The following RBM26 variants were observed in gnomAD, a reference collection of about 807,000 sequenced individuals.
The protein encoded by RBM26 is RNA binding motif protein 26.
Under a neutral mutation model 123.6 loss-of-function variants are expected in RBM26, and 30 were observed. The ratio of observed to expected loss-of-function variants is 0.24; its 90% confidence interval spans 0.18 to 0.33. The LOEUF (loss-of-function observed/expected upper bound fraction) is 0.33. Ranked by LOEUF, RBM26 falls within the 10% of genes least tolerant of loss-of-function variation. The pLI, the probability that RBM26 is intolerant of heterozygous loss-of-function variation, is 1.00. For missense variants in RBM26, 947 were observed against 1,203.6 expected, an observed-to-expected ratio of 0.79 and a Z score of 3.15; for synonymous variants, 400 against 404.4, an observed-to-expected ratio of 0.99 and a Z score of 0.13.
intron 20 of RBM26, among the ~76,000 whole-genome samples, chr13:79,324,535 G>A (rs562275244): frequency 1.3e-5 from 2 of 151,584 alleles, no homozygotes; most frequent in Non-Finnish European, 1.5e-5. Context: ...TATTTTCCCC[G>A]ATTGGATTTT....
chr13:79,393,290 A>G (rs772235514), intron 1 of RBM26, among the ~76,000 whole-genome samples: 2 of 152,200 alleles, frequency 1.3e-5, no homozygotes, highest in Admixed American at 6.5e-5. Flanking sequence ...AGATCTCCCC[A>G]GCAATTCAAA....
At chr13:79,399,512 T>C (rs889637934) in intron 1 of RBM26, among the ~76,000 whole-genome samples, 2 of 152,094 alleles carry the variant, frequency 1.3e-5, no homozygotes, top group Non-Finnish European at 2.9e-5. Context: ...AAGACTCATA[T>C]AAAAAGTAGA....
chr13:79,320,742 CAAAAA>C, intron 21 of RBM26, 32 bp from the exon 22 acceptor site: 3 of 1,086,530 alleles, frequency 2.8e-6, no homozygotes, highest in Non-Finnish European at 2.4e-6. Context: ...GGAATTTACC[CAAAAA>C]AAAAAAAAAG....
At chr13:79,385,472 T>C (rs2077401007) in intron 1 of RBM26, among the ~76,000 whole-genome samples, 1 of 152,140 alleles carries the variant, frequency 6.6e-6, no homozygotes. Flanking sequence ...ATTATAACAC[T>C]GAAAACTATT....
intron 1 of RBM26, among the ~76,000 whole-genome samples, chr13:79,391,395 A>T (rs576530420): frequency 6.6e-6 from 1 of 152,352 alleles, no homozygotes; most frequent in South Asian, 2.1e-4. Flanking sequence ...ATAAAGGATA[A>T]ATTCAACTAC....
chr13:79,344,838 C>A, intron 14 of RBM26, 44 bp from the exon 15 acceptor site: 1 of 1,586,574 alleles, frequency 6.3e-7, no homozygotes, highest in South Asian at 1.1e-5. Context: ...ATCAGCCGTT[C>A]ATGATATCCT....
chr13:79,339,074 T>A (rs2070942536), intron 18 of RBM26, among the ~76,000 whole-genome samples: 1 of 152,212 alleles, frequency 6.6e-6, no homozygotes, highest in Non-Finnish European at 1.5e-5. Context: ...TATTTCAGTT[T>A]CTGCATCTCA....
chr13:79,343,832 T>C (rs1243558881), intron 16 of RBM26, among the ~76,000 whole-genome samples: 1 of 151,960 alleles, frequency 6.6e-6, no homozygotes, highest in Non-Finnish European at 1.5e-5. Flanking sequence ...CACATCTCAA[T>C]TTGGACTAGA....
At chr13:79,355,430 T>G (rs774922490) in intron 11 of RBM26, 46 bp from the exon 12 acceptor site, 1 of 1,512,176 alleles carries the variant, frequency 6.6e-7, no homozygotes, top group East Asian at 2.3e-5. Flanking sequence ...AAGGAATCTG[T>G]TGCTTCATAG....
chr13:79,342,769 C>A lies in RBM26; in HGVS notation c.2322G>T (p.Met774Ile), dbSNP rs1390011559. The part of the protein sequence containing the change: ...TMKSEDKAEI[M>I]KTLEVLTKNI... ...TTTTTGTCAAAACCTCTAAAGTTTTCATTATTTCTGCTTTATCTTCAGACT... is the reference window on the plus strand; with the variant it reads ...TTTTTGTCAAAACCTCTAAAGTTTTAATTATTTCTGCTTTATCTTCAGACT... Residue 774 changes from methionine to isoleucine, a missense_variant, in exon 17 of 22, where the codon ATG becomes ATT. Transcript: ENST00000438737. 1 of 1,609,638 alleles carries A rather than the reference C, an allele frequency of 6.2e-7. No homozygotes were observed. Among genetic ancestry groups the A allele is most frequent in the East Asian group, 2.2e-5 (1 of 44,750 alleles).
At chr13:79,346,773 T>C (rs772033965) in intron 14 of RBM26, among the ~76,000 whole-genome samples, 2 of 152,128 alleles carry the variant, frequency 1.3e-5, no homozygotes, top group Non-Finnish European at 2.9e-5. Flanking sequence ...CAGCACAAAA[T>C]GCCAAACCAC....
At chr13:79,351,336 G>C (rs2073177398) in intron 14 of RBM26, among the ~76,000 whole-genome samples, 2 of 152,092 alleles carry the variant, frequency 1.3e-5, no homozygotes, top group Admixed American at 6.6e-5. Context: ...GGTACAGTGT[G>C]ATGTTTTGAT....
At chr13:79,403,698 G>A (rs1227365479) in intron 1 of RBM26, among the ~76,000 whole-genome samples, 1 of 152,124 alleles carries the variant, frequency 6.6e-6, no homozygotes, top group Non-Finnish European at 1.5e-5. Context: ...CTGGTAAGTG[G>A]CAGAGGCAGA....
At chr13:79,327,521 G>C (rs1469042664) in intron 20 of RBM26, among the ~76,000 whole-genome samples, 1 of 150,674 alleles carries the variant, frequency 6.6e-6, no homozygotes, top group Non-Finnish European at 1.5e-5. Flanking sequence ...AAATGTGAGA[G>C]GTAAAACTAT....
In RBM26 at chr13:79,368,835, CATG is replaced by C. The variant is rs772100087; in HGVS notation, c.787_789del (p.His263del). 7.4e-6 allele frequency: 12 copies of C among 1,613,634 alleles called. No individual in the cohort carries two copies. The highest frequency in any genetic ancestry group is 9.3e-6 in the Non-Finnish European group (11 of 1,179,870). On this transcript the variant is annotated inframe_deletion, in exon 6 of 22. Transcript: ENST00000438737. ...GACCAACTTTCGGTAGTGTTGTTTCCATGATGAGTAGGAGCAATTACTGTAATA... is the reference window on the plus strand; with the variant it reads ...GACCAACTTTCGGTAGTGTTGTTTCCATGAGTAGGAGCAATTACTGTAATA...
At chr13:79,331,012 T>C (rs2069214915) in intron 20 of RBM26, among the ~76,000 whole-genome samples, 1 of 151,558 alleles carries the variant, frequency 6.6e-6, no homozygotes, top group South Asian at 2.1e-4. Flanking sequence ...TGATTCTCTT[T>C]CCCCCTATTT....
intron 8 of RBM26, 59 bp from the exon 9 acceptor site, chr13:79,365,777 T>A: frequency 6.9e-7 from 1 of 1,453,264 alleles, no homozygotes. Context: ...GGTAATTTTT[T>A]AATATTGATA....
Position 79,318,956 on chromosome 13 carries a change from T to G in RBM26, c.*1665A>C. On this transcript the variant is annotated 3_prime_UTR_variant, in exon 22 of 22. Transcript: ENST00000438737. ...CAACATACAAGAGACTACATAAAAA[T>G]AGATCTTTGATTTAAATATATAAGT... The G allele has an allele frequency of 1.0e-6, 1 of 971,914 alleles. No homozygotes were observed. Among genetic ancestry groups the G allele is most frequent in the Non-Finnish European group, 1.2e-6 (1 of 817,828 alleles). 60.2% of individuals were successfully genotyped at this position (971,914 alleles called of 1,614,324 possible). A position where few individuals can be genotyped will look rare whatever the true frequency, so the allele number is the denominator to read the frequency against.
chr13:79,362,564 C>T (rs2074823954), intron 9 of RBM26, among the ~76,000 whole-genome samples: 1 of 152,148 alleles, frequency 6.6e-6, no homozygotes, highest in African/African-American at 2.4e-5. Context: ...CTCTAGGAAA[C>T]ATCCTGTATC....
Sources: gnomAD v4.1 joint callset for allele counts (sites outside exome capture counted in the v4.1 genomes callset) on GRCh38, gnomAD v4.1.1 for gene constraint, MANE v1.5 for transcripts, NCBI Gene and HGNC (gene_info 2026-07-23, HGNC 2026-07-21) for gene names.